The following ABLIM1 variants were observed in gnomAD, a reference collection of about 807,000 sequenced individuals.
ABLIM1 encodes the protein actin binding LIM protein 1.
ABLIM1 carries 40 observed loss-of-function variants against 107.0 expected under a neutral mutation model. The ratio of observed to expected loss-of-function variants is 0.37; its 90% CI spans 0.29 to 0.49. The LOEUF (loss-of-function observed/expected upper bound fraction) is 0.49. Among genes scored for constraint, ABLIM1 ranks in the 20% least tolerant of loss-of-function variants. The pLI is 0.97. For synonymous variants in ABLIM1, 357 were observed against 357.3 expected (o/e 1.00, Z 0.01); for missense variants, 857 against 1,008.5 (o/e 0.85, Z 2.04).
chr10:114,782,845 G>C, the ABLIM1 span, among the ~76,000 whole-genome samples: 12 of 152,098 alleles, frequency 7.9e-5, no homozygotes, highest in African/African-American at 2.9e-4. Flanking sequence ...AGGTAGAATT[G>C]ACAGGATTTG....
chr10:114,588,266 C>T (rs2139490890), intron 2 of ABLIM1, among the ~76,000 whole-genome samples: 1 of 152,190 alleles, frequency 6.6e-6, no homozygotes, highest in Non-Finnish European at 1.5e-5. Context: ...GGACGTTTCC[C>T]ATCTCCCCAT....
chr10:114,718,032 A>AAGGAAGGAAAGAAGGAAGGAAGGG (rs753398691), intron 1 of ABLIM1, among the ~76,000 whole-genome samples: 2 of 93,006 alleles, frequency 2.2e-5, no homozygotes, highest in South Asian at 7.2e-4. Context: ...GGAAGGAAGG[A>AAGGAAGGAAAGAAGGAAGGAAGGG]GAAAGAGAAA....
intron 6 of ABLIM1, among the ~76,000 whole-genome samples, chr10:114,517,937 T>C (rs2063139061): frequency 6.6e-6 from 1 of 152,150 alleles, no homozygotes; most frequent in Non-Finnish European, 1.5e-5. Context: ...CAAGACATCA[T>C]CTGTGTCTGC....
intron 12 of ABLIM1, among the ~76,000 whole-genome samples, chr10:114,456,790 G>A (rs1004372643): frequency 6.6e-6 from 1 of 152,126 alleles, no homozygotes; most frequent in Non-Finnish European, 1.5e-5. Context: ...TCTTGAATAT[G>A]GTCAAAGCCT....
intron 1 of ABLIM1, among the ~76,000 whole-genome samples, chr10:114,644,232 G>T (rs1468582615): frequency 1.7e-5 from 2 of 114,960 alleles, no homozygotes; most frequent in African/African-American, 6.8e-5. Flanking sequence ...AGTGAGCCGA[G>T]ATCACACCAC....
chr10:114,580,185 T>A lies in ABLIM1; in HGVS notation c.380-4586A>T, dbSNP rs2073180723. The stretch of plus-strand genomic sequence containing the variant: ...TGCCTTTATAACCCACTCCTTTATT[T>A]TAATATTATATATTATATATTATAT... On this transcript the variant is annotated intron_variant, in intron 2 of 22. Coordinates refer to ENST00000533213, the MANE Select transcript of ABLIM1 (RefSeq NM_002313.7). Among the ~76,000 whole-genome samples the A allele has an allele frequency of 2.0e-5, 3 of 146,748 alleles. No homozygotes were observed. The South Asian group carries it at 6.4e-4, about 31-fold the overall frequency.
At chr10:114,798,402 C>A in the ABLIM1 span, among the ~76,000 whole-genome samples, 5 of 149,652 alleles carry the variant, frequency 3.3e-5, no homozygotes, top group Non-Finnish European at 5.9e-5. Context: ...CCAGACTGGG[C>A]GACAAAGCAA....
chr10:114,668,607 G>A (rs2080123281), intron 1 of ABLIM1, among the ~76,000 whole-genome samples: 1 of 152,160 alleles, frequency 6.6e-6, no homozygotes. Flanking sequence ...TAGGTAGCTA[G>A]GACTACAGGT....
At chr10:114,490,674 G>C (rs189740381) in intron 7 of ABLIM1, among the ~76,000 whole-genome samples, 4 of 151,954 alleles carry the variant, frequency 2.6e-5, no homozygotes, top group Admixed American at 2.0e-4. Flanking sequence ...GACTAGAAGA[G>C]AATCCTCTCT....
At chr10:114,466,004 C>G (rs910680975) in intron 11 of ABLIM1, among the ~76,000 whole-genome samples, 177 bp from the exon 12 acceptor site, 1 of 152,092 alleles carries the variant, frequency 6.6e-6, no homozygotes, top group African/African-American at 2.4e-5. Context: ...CATTCTGTGG[C>G]TAATATATTT....
Position 114,744,122 on chromosome 10 carries a change from C to T in ABLIM1, c.-213+23939G>A, listed in dbSNP as rs143098681. Among the ~76,000 whole-genome samples, 1,481 of 152,218 alleles carry T rather than the reference C, an allele frequency of 9.7e-3. 19 individuals are homozygous for T. Among genetic ancestry groups the T allele is most frequent in the African/African-American group, 0.033 (1,364 of 41,534 alleles). Reference sequence around the variant, plus strand: ...GTTCTGTTGGTGTTATATCACAGGCCTCATTCTGGGAACACTCTCTAGGGA... The same window carrying T: ...GTTCTGTTGGTGTTATATCACAGGCTTCATTCTGGGAACACTCTCTAGGGA... On this transcript the variant is annotated intron_variant, in intron 1 of 15. Coordinates refer to the ABLIM1 transcript ENST00000651092.
At chr10:114,580,868 T>C (rs1011089310) in intron 2 of ABLIM1, among the ~76,000 whole-genome samples, 4 of 152,210 alleles carry the variant, frequency 2.6e-5, no homozygotes, top group African/African-American at 9.6e-5. Context: ...CATTAGTCGT[T>C]AGCTGACAGT....
chr10:114,732,183 T>TTCTTTTTC (rs2082089416), intron 1 of ABLIM1, among the ~76,000 whole-genome samples: 3 of 123,346 alleles, frequency 2.4e-5, no homozygotes, highest in African/African-American at 1.1e-4. Context: ...TTCTTTTCTT[T>TTCTTTTTC]TTTTTTTTTT....
At chr10:114,730,043 C>T (rs1393775993) in intron 1 of ABLIM1, among the ~76,000 whole-genome samples, 1 of 151,948 alleles carries the variant, frequency 6.6e-6, no homozygotes, top group Non-Finnish European at 1.5e-5. Context: ...GAATTTATTC[C>T]GTAAAAGGAA....
intron 1 of ABLIM1, among the ~76,000 whole-genome samples, chr10:114,732,397 C>A (rs1027989510): frequency 6.6e-6 from 1 of 151,960 alleles, no homozygotes; most frequent in Admixed American, 6.6e-5. Context: ...AAGTCCCTTG[C>A]AAATTTTAAA....
At chr10:114,447,467 A>G (rs1279023864) in intron 15 of ABLIM1, among the ~76,000 whole-genome samples, 1 of 152,258 alleles carries the variant, frequency 6.6e-6, no homozygotes, top group African/African-American at 2.4e-5. Flanking sequence ...AGTCTAAAAC[A>G]AATTTAACTG....
At chr10:114,514,267 T>G (rs1445798559) in intron 6 of ABLIM1, among the ~76,000 whole-genome samples, 2 of 148,530 alleles carry the variant, frequency 1.3e-5, no homozygotes, top group Non-Finnish European at 3.0e-5. Flanking sequence ...ACCACTGCAC[T>G]CCAGCTGGGT....
intron 1 of ABLIM1, among the ~76,000 whole-genome samples, chr10:114,647,126 GT>G (rs2079043371): frequency 6.6e-6 from 1 of 152,140 alleles, no homozygotes; most frequent in Non-Finnish European, 1.5e-5. Context: ...CTCCCAAGTA[GT>G]TGGGATTACA....
At chr10:114,513,853 TTATTGAC>T (rs1046001449) in intron 6 of ABLIM1, among the ~76,000 whole-genome samples, 8 of 152,222 alleles carry the variant, frequency 5.3e-5, no homozygotes, top group Non-Finnish European at 1.5e-5. Context: ...CTGCAAATTC[TTATTGAC>T]TATTAAGATG....
Sources: allele counts gnomAD v4.1 joint callset (sites outside exome capture counted in the v4.1 genomes callset), GRCh38; gene constraint gnomAD v4.1.1; transcripts MANE v1.5; gene names NCBI Gene and HGNC (gene_info 2026-07-23, HGNC 2026-07-21).